The following SUPT20H variants were observed in gnomAD, a reference collection of about 807,000 sequenced individuals.
The protein encoded by SUPT20H is SPT20 homolog, SAGA complex component, also known as transcription factor SPT20 homolog.
SUPT20H carries 82 observed loss-of-function variants against 122.8 expected under a neutral mutation model. The observed-to-expected ratio is 0.67, with a 90% CI of 0.56 to 0.80. The LOEUF (loss-of-function observed/expected upper bound fraction) is 0.80. Ranked by LOEUF, SUPT20H falls within the 30% of genes least tolerant of loss-of-function variation. The probability of loss-of-function intolerance (pLI) is 0.00; values close to 1 mark genes in which losing one functional copy is unlikely to be tolerated. For missense variants in SUPT20H, 831 were observed against 921.6 expected (o/e 0.90, Z 1.27); for synonymous variants, 291 against 313.0 (o/e 0.93, Z 0.74).
chr13:37,059,584 C>T lies in SUPT20H; in HGVS notation c.-119G>A. 1 of 152,448 alleles carries T rather than the reference C, an allele frequency of 6.6e-6. No individual in the cohort carries two copies. The highest frequency in any genetic ancestry group is 1.5e-5 in the Non-Finnish European group (1 of 68,114). 9.4% of individuals were successfully genotyped at this position (152,448 alleles called of 1,614,324 possible). A position where few individuals can be genotyped will look rare whatever the true frequency, so the allele number is the denominator to read the frequency against. On this transcript the variant is annotated 5_prime_UTR_variant, in exon 1 of 26. Coordinates refer to ENST00000350612, the MANE Select transcript of SUPT20H (RefSeq NM_001014286.3). ...CTGTGCGGGTCGCCTCGCCGCTAGGCCCCAAGACGGCGCCGCCTGCTCGGC... is the reference window on the plus strand; with the variant it reads ...CTGTGCGGGTCGCCTCGCCGCTAGGTCCCAAGACGGCGCCGCCTGCTCGGC...
At chr13:37,046,142 AC>A (rs2066379529) in intron 5 of SUPT20H, among the ~76,000 whole-genome samples, 1 of 152,122 alleles carries the variant, frequency 6.6e-6, no homozygotes, top group Non-Finnish European at 1.5e-5. Context: ...CATATATCAT[AC>A]ACACATACAG....
rs34624589 is a variant in SUPT20H at position 37,057,973 on chromosome 13, C to CAA, written c.-94+1584_-94+1585dup. Among the ~76,000 whole-genome samples, 940 of 97,250 alleles carry CAA rather than the reference C, an allele frequency of 9.7e-3. 27 individuals are homozygous for CAA. Among genetic ancestry groups the CAA allele is most frequent in the African/African-American group, 0.019 (453 of 23,332 alleles). The allele number at this position is 97,250 out of a possible 152,430, so 63.8% of individuals were successfully genotyped here. On this transcript the variant is annotated intron_variant, in intron 1 of 25. Transcript: ENST00000350612. ...TGGACGACATAGAGAGACTCCGTCT[C>CAA]AAAAAAAAAAAAAAAAAAAAGTTGG...
chr13:37,026,832 TA>T lies in SUPT20H; in HGVS notation c.1152-17del. 3.4e-5 allele frequency: 48 copies of T among 1,417,768 alleles called. No individual in the cohort carries two copies. Among genetic ancestry groups the T allele is most frequent in the Admixed American group, 1.2e-4 (4 of 34,084 alleles). 87.8% of individuals were successfully genotyped at this position (1,417,768 alleles called of 1,614,324 possible). A position where few individuals can be genotyped will look rare whatever the true frequency, so the allele number is the denominator to read the frequency against. On this transcript the variant is annotated splice_polypyrimidine_tract_variant and intron_variant, in intron 14 of 25. Transcript: ENST00000350612. ...TGTGGACGAGCTGAAATATAAAATG[TA>T]AAAAAAAGCTTAGTTAATGCAGCTC...
rs752860805 is a variant in SUPT20H at position 37,012,233 on chromosome 13, TTAA to T, written c.2054_2056del (p.Ile685del). 1 of 1,613,426 alleles carries T rather than the reference TTAA, an allele frequency of 6.2e-7. No individual in the cohort carries two copies. The highest frequency in any genetic ancestry group is 1.7e-5 in the Admixed American group (1 of 59,996). On this transcript the variant is annotated inframe_deletion, in exon 24 of 26. Transcript: ENST00000350612. ...CATAAAACTTCCTACTCCAGTAAGGTTAATAACAGCAGCTTGCTGAGCAGATAA... is the reference window on the plus strand; with the variant it reads ...CATAAAACTTCCTACTCCAGTAAGGTTAACAGCAGCTTGCTGAGCAGATAA...
intron 13 of SUPT20H, among the ~76,000 whole-genome samples, chr13:37,028,563 A>C (rs1426664056): frequency 6.6e-6 from 1 of 152,208 alleles, no homozygotes; most frequent in Non-Finnish European, 1.5e-5. Context: ...CATATGTAAC[A>C]ATATTAATAC....
chr13:37,050,383 G>A (rs1032890295), intron 2 of SUPT20H, among the ~76,000 whole-genome samples: 17 of 148,164 alleles, frequency 1.1e-4, no homozygotes, highest in African/African-American at 3.0e-4. Context: ...TATAAGAAGC[G>A]GATTCCCAAT....
Position 37,031,581 on chromosome 13 carries a change from G to GT in SUPT20H, c.906dup (p.Pro303ThrfsTer3). On this transcript the variant is annotated frameshift_variant, in exon 12 of 26. Transcript: ENST00000350612. LOFTEE classifies it high-confidence loss of function. ...AACTGACTTACATCTACTTCAGAAG[G>GT]TATGGCCAAATTACAGGGACTCCGT... 6.4e-7 allele frequency: 1 copy of GT among 1,561,824 alleles called. No homozygotes were observed. Among genetic ancestry groups the GT allele is most frequent in the Non-Finnish European group, 8.6e-7 (1 of 1,162,732 alleles).
chr13:37,053,552 T>C (rs1211864152), intron 1 of SUPT20H, among the ~76,000 whole-genome samples: 1 of 151,950 alleles, frequency 6.6e-6, no homozygotes, highest in Non-Finnish European at 1.5e-5. Context: ...ATGGAGAGCA[T>C]TAGGACAAAT....
chr13:37,012,469 A>C, intron 23 of SUPT20H, 172 bp from the exon 24 acceptor site: 2 of 487,338 alleles, frequency 4.1e-6, no homozygotes. Context: ...GAATAAATTT[A>C]TGGTATTTGA....
intron 15 of SUPT20H, 56 bp downstream of exon 15, chr13:37,026,734 G>T (rs1451495217): frequency 9.7e-7 from 1 of 1,030,996 alleles, no homozygotes; most frequent in African/African-American, 1.7e-5. Flanking sequence ...TCTTTTTAAA[G>T]AGTTTGATAT....
intron 7 of SUPT20H, 62 bp from the exon 8 acceptor site, chr13:37,040,754 A>C: frequency 7.9e-7 from 1 of 1,259,242 alleles, no homozygotes; most frequent in Non-Finnish European, 1.2e-6. Context: ...AAGTGGGTTT[A>C]TATCAAACAT....
chr13:37,050,663 T>C (rs751086688), intron 2 of SUPT20H, among the ~76,000 whole-genome samples: 53 of 152,186 alleles, frequency 3.5e-4, no homozygotes, highest in Non-Finnish European at 6.5e-4. Flanking sequence ...GAGACATGCA[T>C]ACATACATAA....
intron 7 of SUPT20H, among the ~76,000 whole-genome samples, chr13:37,041,806 G>A (rs765346283): frequency 6.6e-5 from 10 of 152,190 alleles, no homozygotes; most frequent in Non-Finnish European, 1.0e-4. Context: ...TCAGTTGTGG[G>A]AAGACAGGCA....
At chr13:37,054,635 T>C (rs940245445) in intron 1 of SUPT20H, among the ~76,000 whole-genome samples, 3 of 152,104 alleles carry the variant, frequency 2.0e-5, no homozygotes, top group Non-Finnish European at 2.9e-5. Flanking sequence ...TAAGAGCTAT[T>C]TATGACAAAC....
chr13:37,017,402 T>G (rs550177807), intron 22 of SUPT20H, 38 bp from the exon 23 acceptor site: 1 of 1,554,152 alleles, frequency 6.4e-7, no homozygotes, highest in African/African-American at 1.4e-5. Flanking sequence ...CAATTTCACA[T>G]GATTTTATAT....
intron 7 of SUPT20H, among the ~76,000 whole-genome samples, chr13:37,043,217 T>C (rs990933746): frequency 6.6e-6 from 1 of 152,224 alleles, no homozygotes; most frequent in Non-Finnish European, 1.5e-5. Flanking sequence ...ATACATCAAC[T>C]ATTTTAACGG....
chr13:37,023,810 TAC>T, intron 19 of SUPT20H: 1 of 379,570 alleles, frequency 2.6e-6, no homozygotes, highest in Non-Finnish European at 4.6e-6. Flanking sequence ...ATAAGAAAGG[TAC>T]ACGCAGAATG....
At chr13:37,046,188 T>G (rs1281537818) in intron 5 of SUPT20H, among the ~76,000 whole-genome samples, 1 of 152,132 alleles carries the variant, frequency 6.6e-6, no homozygotes, top group African/African-American at 2.4e-5. Context: ...GTCATCACCA[T>G]AGAATCAAAA....
intron 1 of SUPT20H, among the ~76,000 whole-genome samples, chr13:37,055,885 A>G (rs2068861037): frequency 6.6e-6 from 1 of 152,238 alleles, no homozygotes; most frequent in Admixed American, 6.5e-5. Context: ...AAGGGCTAAT[A>G]TCCAGAATCT....
Sources: gnomAD v4.1 joint callset for allele counts (sites outside exome capture counted in the v4.1 genomes callset) on GRCh38, gnomAD v4.1.1 for gene constraint, MANE v1.5 for transcripts, NCBI Gene and HGNC (gene_info 2026-07-23, HGNC 2026-07-21) for gene names.